Variants in BCLAF1 observed in about 807,000 individuals in gnomAD.
BCLAF1 encodes bcl-2-associated transcription factor 1.
A neutral mutation model predicts 99.5 loss-of-function variants in BCLAF1; 10 were observed. The ratio of observed to expected loss-of-function variants is 0.10; its 90% CI spans 0.06 to 0.17. BCLAF1 has a LOEUF of 0.17. BCLAF1 is among the 10% of genes least tolerant of loss of function. The pLI is 1.00. For missense variants in BCLAF1, 636 were observed against 1,105.8 expected, an observed-to-expected ratio of 0.58 and a Z score of 6.02; for synonymous variants, 255 against 370.9, an observed-to-expected ratio of 0.69 and a Z score of 3.59.
intron 1 of BCLAF1, among the ~76,000 whole-genome samples, chr6:136,283,412 GAACA>G (rs1443230526): frequency 6.6e-6 from 1 of 151,952 alleles, no homozygotes; most frequent in Non-Finnish European, 1.5e-5. Context: ...TCAAATAAAA[GAACA>G]GTCAGCAATG....
chr6:136,286,604 T>C (rs1785166394), intron 1 of BCLAF1, among the ~76,000 whole-genome samples: 1 of 152,210 alleles, frequency 6.6e-6, no homozygotes, highest in South Asian at 2.1e-4. Flanking sequence ...AAATGATTCT[T>C]GCATGTAAGG....
At position 136,275,256 on chromosome 6, in the gene BCLAF1, T is replaced by C. The variant is rs9494495; in HGVS notation, c.1852+276A>G. On this transcript the variant is annotated intron_variant, in intron 6 of 12. Transcript: ENST00000531224. ...CAATGACATACTTAAAAAACACTTT[T>C]AGCATTCAACAAATCTACATCATGT... 3.7e-3 allele frequency among the ~76,000 whole-genome samples: 559 copies of C among 152,216 alleles called. 3 individuals are homozygous for C. The highest frequency in any genetic ancestry group is 0.012 in the African/African-American group (489 of 41,554).
intron 6 of BCLAF1, among the ~76,000 whole-genome samples, chr6:136,275,132 T>C (rs1218441206): frequency 6.6e-6 from 1 of 152,118 alleles, no homozygotes; most frequent in Non-Finnish European, 1.5e-5. Flanking sequence ...TCAATAACAA[T>C]ACTGTCTGAC....
intron 3 of BCLAF1, chr6:136,279,368 A>T (rs1165682190): frequency 6.5e-6 from 1 of 152,938 alleles, no homozygotes; most frequent in East Asian, 1.9e-4. Flanking sequence ...TTTTTTTAAC[A>T]AAAAAAATTA....
intron 3 of BCLAF1, 116 bp from the exon 4 acceptor site, chr6:136,278,892 T>A (rs1378180253): frequency 9.4e-6 from 10 of 1,063,002 alleles, no homozygotes; most frequent in Non-Finnish European, 1.3e-5. Flanking sequence ...TACACTTTTT[T>A]AAAAAACTCA....
intron 2 of BCLAF1, among the ~76,000 whole-genome samples, chr6:136,281,110 CA>C (rs1204683385): frequency 6.6e-6 from 1 of 152,022 alleles, no homozygotes; most frequent in Non-Finnish European, 1.5e-5. Context: ...ATATAAATAA[CA>C]AATTCAAGAT....
chr6:136,278,909 CAA>C (rs1783965508), intron 3 of BCLAF1, 133 bp from the exon 4 acceptor site: 6 of 885,256 alleles, frequency 6.8e-6, no homozygotes, highest in Non-Finnish European at 9.5e-6. Context: ...CTCATCTGTA[CAA>C]AAGTTAATGG....
rs114778249 is a variant in BCLAF1, at chr6:136,284,451, G to A, written c.-114-1764C>T. On this transcript the variant is annotated intron_variant, in intron 1 of 12. Transcript: ENST00000531224. The stretch of plus-strand genomic sequence containing the variant: ...CAAAGCACAATGCTAATTACTATAG[G>A]AAATGTATCTATGTAAGTGGTCCCT... Among the ~76,000 whole-genome samples, 714 of 152,178 alleles carry A rather than the reference G, an allele frequency of 4.7e-3. 3 individuals are homozygous for A. Among genetic ancestry groups the A allele is most frequent in the African/African-American group, 0.016 (683 of 41,506 alleles).
chr6:136,284,130 G>GTGTGTGTA (rs36141174), intron 1 of BCLAF1, among the ~76,000 whole-genome samples: 16 of 122,104 alleles, frequency 1.3e-4, no homozygotes, highest in African/African-American at 5.3e-4. Context: ...GTGTGTGTGT[G>GTGTGTGTA]TATATATATA....
chr6:136,280,648 A>G (rs572611315), intron 2 of BCLAF1, among the ~76,000 whole-genome samples: 3 of 152,344 alleles, frequency 2.0e-5, no homozygotes, highest in Non-Finnish European at 2.9e-5. Context: ...TTTTCTAAAC[A>G]CTACATGGTA....
Position 136,260,547 on chromosome 6 carries a change from T to A in BCLAF1, c.*563A>T, listed in dbSNP as rs1349620884. The A allele has an allele frequency of 1.3e-5, 2 of 152,744 alleles. No individual in the cohort carries two copies. Among genetic ancestry groups the A allele is most frequent in the Admixed American group, 6.6e-5 (1 of 15,256 alleles). 9.5% of individuals were successfully genotyped at this position (152,744 alleles called of 1,614,324 possible). Reference sequence around the variant, plus strand: ...AGCTATTGGCAAAGCTTTTTTTTTTTAATTCCTTCTTAAGCATTTGCTCAA... The same window carrying A: ...AGCTATTGGCAAAGCTTTTTTTTTTAAATTCCTTCTTAAGCATTTGCTCAA... On this transcript the variant is annotated 3_prime_UTR_variant, in exon 13 of 13. Transcript: ENST00000531224.
At position 136,275,515 on chromosome 6, in the gene BCLAF1, A is replaced by G. The variant is rs1467458251; in HGVS notation, c.1852+17T>C. ...CAAGAGAAATTTAATTCACGATACT[A>G]AACATACTAAGCATACCTTTAACAT... On this transcript the variant is annotated intron_variant, in intron 6 of 12. Transcript: ENST00000531224. 4 of 1,513,134 alleles carry G rather than the reference A, an allele frequency of 2.6e-6. No homozygotes were observed. The highest frequency in any genetic ancestry group is 1.4e-5 in the African/African-American group (1 of 71,242). 93.7% of individuals were successfully genotyped at this position (1,513,134 alleles called of 1,614,324 possible).
rs555254310 is a variant in BCLAF1 at position 136,277,948 on chromosome 6, T to C, written c.933A>G (p.Pro311=). 6.2e-7 allele frequency: 1 copy of C among 1,601,394 alleles called. No individual in the cohort carries two copies. The highest frequency in any genetic ancestry group is 2.2e-5 in the East Asian group (1 of 44,752). The change falls in exon 4 of 13, where the codon CCA becomes CCG. Residue 311 remains proline (P), a synonymous_variant. Coordinates refer to ENST00000531224, the MANE Select transcript of BCLAF1 (RefSeq NM_014739.3). ...PAKTIAPQNA[P]RDESRGRSSF... ...AGGAACGGCCCCTAGACTCATCTCT[T>C]GGAGCATTCTGTGGTGCGATTGTCT...
chr6:136,266,245 C>T (rs1225210028), intron 11 of BCLAF1, among the ~76,000 whole-genome samples: 1 of 152,068 alleles, frequency 6.6e-6, no homozygotes, highest in Non-Finnish European at 1.5e-5. Flanking sequence ...AACAATTCCT[C>T]AAGTCCAATA....
intron 1 of BCLAF1, among the ~76,000 whole-genome samples, chr6:136,286,722 CTT>C (rs975108749): frequency 9.2e-5 from 14 of 152,198 alleles, no homozygotes; most frequent in African/African-American, 3.4e-4. Flanking sequence ...AATCCCAACA[CTT>C]TGGGAGGGCG....
intron 6 of BCLAF1, 23 bp downstream of exon 6, chr6:136,275,509 G>A (rs750408774): frequency 8.9e-6 from 13 of 1,454,684 alleles, no homozygotes; most frequent in African/African-American, 1.4e-5. Flanking sequence ...TTTAATTCAC[G>A]ATACTAAACA....
rs943888239 is a variant in BCLAF1 at position 136,260,255 on chromosome 6, C to T, written c.*855G>A. On this transcript the variant is annotated 3_prime_UTR_variant, in exon 13 of 13. Coordinates refer to ENST00000531224, the MANE Select transcript of BCLAF1 (RefSeq NM_014739.3). Reference sequence around the variant, plus strand: ...CTCCTACATACCAACCCCAGGATTACAGTTTTTCTTCTGTTTAAAACTAGG... The same window carrying T: ...CTCCTACATACCAACCCCAGGATTATAGTTTTTCTTCTGTTTAAAACTAGG... The T allele has an allele frequency of 6.6e-6, 1 of 151,946 alleles. No individual in the cohort carries two copies. The highest frequency in any genetic ancestry group is 2.4e-5 in the African/African-American group (1 of 41,416). 9.4% of individuals were successfully genotyped at this position (151,946 alleles called of 1,614,324 possible).
rs1785736828 is a variant in BCLAF1, at chr6:136,289,788, G to C, written c.-190C>G. 6.5e-6 allele frequency: 1 copy of C among 152,706 alleles called. No individual in the cohort carries two copies. Among genetic ancestry groups the C allele is most frequent in the Non-Finnish European group, 1.5e-5 (1 of 68,056 alleles). The allele number at this position is 152,706 out of a possible 1,614,324, so 9.5% of individuals were successfully genotyped here. On this transcript the variant is annotated 5_prime_UTR_variant, in exon 1 of 13. Transcript: ENST00000531224. ...AGCGGCCATTTCCCGACTCAAGAAC[G>C]CGAGGAAAACCATAGAGCTACCTTC...
chr6:136,285,762 CATA>C (rs1208771404), intron 1 of BCLAF1, among the ~76,000 whole-genome samples: 1 of 152,068 alleles, frequency 6.6e-6, no homozygotes, highest in Non-Finnish European at 1.5e-5. Context: ...TGAAATAATA[CATA>C]ATGACCAGCT....
Sources: allele counts gnomAD v4.1 joint callset (sites outside exome capture counted in the v4.1 genomes callset), GRCh38; gene constraint gnomAD v4.1.1; transcripts MANE v1.5; gene names NCBI Gene and HGNC (gene_info 2026-07-23, HGNC 2026-07-21).